SGF29: variants seen among roughly 807,000 people sequenced by gnomAD.
The protein encoded by SGF29 is SAGA-associated factor 29.
SGF29 carries 15 observed loss-of-function variants against 38.1 expected under a neutral mutation model. The observed-to-expected ratio is 0.39, with a 90% confidence interval of 0.26 to 0.61. SGF29 has a LOEUF of 0.61. Ranked by LOEUF, SGF29 falls within the 20% of genes least tolerant of loss-of-function variation. The pLI is 0.49. For missense variants in SGF29, 184 were observed against 394.6 expected (o/e 0.47, Z 4.52); for synonymous variants, 151 against 160.8 (o/e 0.94, Z 0.46).
At chr16:28,588,868 G>A (rs1257006354) in intron 4 of SGF29, among the ~76,000 whole-genome samples, 3 of 137,384 alleles carry the variant, frequency 2.2e-5, no homozygotes, top group African/African-American at 7.7e-5. Context: ...ACCACACCCG[G>A]GCAGATTTCT....
At chr16:28,556,355 G>A (rs2046751172) in intron 1 of SGF29, among the ~76,000 whole-genome samples, 1 of 151,750 alleles carries the variant, frequency 6.6e-6, no homozygotes, top group African/African-American at 2.4e-5. Flanking sequence ...TTGTTTGTTT[G>A]TTTGTTTTGA....
At chr16:28,574,153 A>G (rs901666273) in intron 1 of SGF29, among the ~76,000 whole-genome samples, 13 of 152,360 alleles carry the variant, frequency 8.5e-5, no homozygotes, top group African/African-American at 3.1e-4. Context: ...GCAGGAGTGG[A>G]AGTTCATTAA....
At chr16:28,568,537 T>G (rs2046846846) in intron 1 of SGF29, among the ~76,000 whole-genome samples, 1 of 150,874 alleles carries the variant, frequency 6.6e-6, no homozygotes, top group Non-Finnish European at 1.5e-5. Context: ...AAGTGTGGAG[T>G]GAGACATGAC....
Position 28,568,313 on chromosome 16 carries a change from CAAAAAAA to C in SGF29, c.-15-12724_-15-12718del, listed in dbSNP as rs148414167. ...GGGCAGCAAGAGCAAAACTCCATCT[CAAAAAAA>C]AAAAAAAAAAAAAAAAAGTTGTTTG... On this transcript the variant is annotated intron_variant, in intron 1 of 9. Coordinates refer to ENST00000317058, the MANE Select transcript of SGF29 (RefSeq NM_138414.3). Among the ~76,000 whole-genome samples the C allele has an allele frequency of 1.3e-4, 7 of 54,292 alleles. No homozygotes were observed. In the South Asian group the frequency reaches 2.6e-3, roughly 20 times the overall value. 35.6% of individuals were successfully genotyped at this position (54,292 alleles called of 152,430 possible). A position where few individuals can be genotyped will look rare whatever the true frequency, so the allele number is the denominator to read the frequency against.
At chr16:28,584,053 C>T (rs1367092111) in intron 2 of SGF29, among the ~76,000 whole-genome samples, 2 of 149,340 alleles carry the variant, frequency 1.3e-5, no homozygotes, top group Non-Finnish European at 1.5e-5. Context: ...TTAACAGTCT[C>T]ACTCTGTCAC....
intron 1 of SGF29, among the ~76,000 whole-genome samples, chr16:28,579,924 C>A (rs1411477334): frequency 6.6e-6 from 1 of 151,404 alleles, no homozygotes; most frequent in Non-Finnish European, 1.5e-5. Flanking sequence ...GGGCAAGACT[C>A]CCGTCTCAAA....
intron 1 of SGF29, among the ~76,000 whole-genome samples, chr16:28,568,541 AC>A (rs2151645389): frequency 6.6e-6 from 1 of 151,256 alleles, no homozygotes; most frequent in East Asian, 2.0e-4. Flanking sequence ...GTGGAGTGAG[AC>A]ATGACTGCTG....
intron 1 of SGF29, among the ~76,000 whole-genome samples, chr16:28,560,960 C>CA (rs531139717): frequency 0.36 from 32,213 of 89,010 alleles, 5,102 homozygotes; most frequent in Non-Finnish European, 0.45. Context: ...GACTCTGTCT[C>CA]AAAAAAAAAA....
At chr16:28,577,359 AAAAC>A in intron 1 of SGF29, among the ~76,000 whole-genome samples, 1 of 151,970 alleles carries the variant, frequency 6.6e-6, no homozygotes, top group East Asian at 1.9e-4. Flanking sequence ...CCAAAAAAAA[AAAAC>A]AAAAAAACCC....
Position 28,554,027 on chromosome 16 carries a change from G to C in SGF29, c.-86G>C, listed in dbSNP as rs1004268213. On this transcript the variant is annotated 5_prime_UTR_variant, in exon 1 of 10. Transcript: ENST00000317058. ...GTGATCATCCGCAGACTCCGAAAAA[G>C]GGTTCGAGGAACGCGCCTGCTCCCC... 2.0e-5 allele frequency: 3 copies of C among 152,344 alleles called. No homozygotes were observed. Among genetic ancestry groups the C allele is most frequent in the Non-Finnish European group, 4.4e-5 (3 of 68,046 alleles). The allele number at this position is 152,344 out of a possible 1,614,324, so 9.4% of individuals were successfully genotyped here. A position where few individuals can be genotyped will look rare whatever the true frequency, so the allele number is the denominator to read the frequency against.
chr16:28,571,386 G>A (rs1365884768), intron 1 of SGF29, among the ~76,000 whole-genome samples: 1 of 152,034 alleles, frequency 6.6e-6, no homozygotes, highest in Non-Finnish European at 1.5e-5. Context: ...CTGAGGTCAG[G>A]AGTTCGAGAC....
rs530098702 is a variant in SGF29 at position 28,590,106 on chromosome 16, T to C, written c.300T>C (p.Ile100=). ...LLEERRIAAK[I]AGLYNDSEPP... ...CCTTCCTTCCCACAGCGGCCAAGAT[T>C]GCCGGTCTCTACAATGACTCGGAGC... is the stretch of plus-strand genomic sequence containing the variant. The change falls in exon 6 of 10, where the codon ATT becomes ATC. Residue 100 remains isoleucine, a synonymous_variant. Coordinates refer to ENST00000317058, the MANE Select transcript of SGF29 (RefSeq NM_138414.3). This position sits in a 1 kb window ranked among gnomAD's most constrained non-coding sequence, Gnocchi z 8.2. The C allele has an allele frequency of 8.1e-6, 13 of 1,611,208 alleles. No homozygotes were observed. The highest frequency in any genetic ancestry group is 2.2e-5 in the East Asian group (1 of 44,792).
chr16:28,562,223 T>A (rs1165309595), intron 1 of SGF29, among the ~76,000 whole-genome samples: 1 of 152,212 alleles, frequency 6.6e-6, no homozygotes, highest in Non-Finnish European at 1.5e-5. Flanking sequence ...GTTCACTAAG[T>A]GCATGCTCTG....
intron 4 of SGF29, among the ~76,000 whole-genome samples, chr16:28,586,182 G>C (rs1379498092): frequency 6.6e-6 from 1 of 152,124 alleles, no homozygotes; most frequent in East Asian, 1.9e-4. Context: ...TGGCTGGGAA[G>C]TCATACTCAG....
intron 2 of SGF29, among the ~76,000 whole-genome samples, chr16:28,584,008 T>C (rs1026428690): frequency 3.9e-5 from 6 of 152,072 alleles, no homozygotes; most frequent in African/African-American, 1.2e-4. Context: ...ATATCACTTA[T>C]GATTTAACTT....
intron 1 of SGF29, among the ~76,000 whole-genome samples, chr16:28,554,379 C>T (rs1284866028): frequency 6.6e-6 from 1 of 152,074 alleles, no homozygotes; most frequent in African/African-American, 2.4e-5. Flanking sequence ...ACGCTGGGCT[C>T]GGCACGGACG....
intron 1 of SGF29, among the ~76,000 whole-genome samples, chr16:28,558,359 C>T (rs2046765780): frequency 6.6e-6 from 1 of 151,856 alleles, no homozygotes; most frequent in Non-Finnish European, 1.5e-5. Flanking sequence ...CATGATCCAC[C>T]CGCCTTGGCC....
chr16:28,583,276 T>C (rs1452140105), intron 2 of SGF29, among the ~76,000 whole-genome samples: 1 of 152,244 alleles, frequency 6.6e-6, no homozygotes, highest in African/African-American at 2.4e-5. Flanking sequence ...CTCCTCTCCA[T>C]TTGTGATTGG....
At chr16:28,589,263 C>G in intron 5 of SGF29, 99 bp downstream of exon 5, 1 of 1,198,094 alleles carries the variant, frequency 8.3e-7, no homozygotes, top group Non-Finnish European at 1.2e-6. Flanking sequence ...TGGCCACCAC[C>G]TGCTGGCATC....
Sources: allele counts gnomAD v4.1 joint callset (sites outside exome capture counted in the v4.1 genomes callset), GRCh38; gene constraint gnomAD v4.1.1; non-coding constraint Gnocchi (gnomAD v3.1); transcripts MANE v1.5; gene names NCBI Gene and HGNC (gene_info 2026-07-23, HGNC 2026-07-21).